The following GPM6B variants were observed in gnomAD, a reference collection of about 807,000 sequenced individuals.
GPM6B encodes the protein glycoprotein M6B, also known as neuronal membrane glycoprotein M6-b.
In GPM6B, 4 loss-of-function variants were observed where a neutral mutation model predicts 27.2. That is an observed-to-expected ratio of 0.15 (90% CI 0.07 to 0.34). The LOEUF (loss-of-function observed/expected upper bound fraction) is 0.34. GPM6B is among the 10% of genes least tolerant of loss of function. The pLI, the probability that GPM6B is intolerant of heterozygous loss-of-function variation, is 1.00. For missense variants in GPM6B, 183 were observed against 261.9 expected (o/e 0.70, Z 2.08); for synonymous variants, 124 against 103.1 (o/e 1.20, Z -1.23).
chrX:13,846,125 G>A (rs775921487), intron 1 of GPM6B, among the ~76,000 whole-genome samples: 25 of 111,049 alleles, frequency 2.3e-4, no homozygotes, highest in Admixed American at 1.5e-3. Flanking sequence ...CCCAGTGACA[G>A]CTAAACCTCT....
In GPM6B at chrX:13,771,729, C is replaced by T. The variant is rs763644937; in HGVS notation, c.*1152G>A. ...TACAGTCACTTAATGTTCTGGAACA[C>T]AATAATGTAAAAGGCAAGTTTCTTT... On this transcript the variant is annotated 3_prime_UTR_variant, in exon 8 of 8. Transcript: ENST00000316715. The T allele has an allele frequency of 8.9e-6, 1 of 112,268 alleles. No homozygotes were observed. Among genetic ancestry groups the T allele is most frequent in the Admixed American group, 9.5e-5 (1 of 10,558 alleles). The allele number at this position is 112,268 out of a possible 1,213,427, so 9.3% of individuals were successfully genotyped here.
At chrX:13,831,177 T>TACGTACAC (rs2049434175) in intron 1 of GPM6B, among the ~76,000 whole-genome samples, 1 of 81,635 alleles carries the variant, frequency 1.2e-5, no homozygotes, top group Non-Finnish European at 2.4e-5. Flanking sequence ...AAGAGCTCAG[T>TACGTACAC]ACACACACAC....
At chrX:13,925,711 T>C (rs992581059) in intron 1 of GPM6B, among the ~76,000 whole-genome samples, 1 of 111,111 alleles carries the variant, frequency 9.0e-6, no homozygotes, top group Admixed American at 9.6e-5. Context: ...TGAAGAGATA[T>C]ACCATATACA....
chrX:13,933,913 C>T (rs1248789346), intron 1 of GPM6B, among the ~76,000 whole-genome samples: 4 of 111,730 alleles, frequency 3.6e-5, no homozygotes, highest in Non-Finnish European at 5.6e-5. Context: ...GCACTCAAAG[C>T]AAAGGCCTTG....
intron 2 of GPM6B, among the ~76,000 whole-genome samples, chrX:13,790,359 A>T (rs768371780): frequency 8.9e-6 from 1 of 112,411 alleles, no homozygotes; most frequent in Non-Finnish European, 1.9e-5. Context: ...GTGCTTTGCA[A>T]AGTGTGTTCA....
chrX:13,862,040 C>T (rs182286264), intron 1 of GPM6B, among the ~76,000 whole-genome samples: 241 of 110,640 alleles, frequency 2.2e-3, no homozygotes, highest in African/African-American at 7.8e-3. Flanking sequence ...AATGAGTGTA[C>T]GAGTGAGCAT....
intron 1 of GPM6B, among the ~76,000 whole-genome samples, chrX:13,843,265 TGTTA>T (rs1294049428): frequency 1.8e-5 from 2 of 109,320 alleles, no homozygotes; most frequent in Non-Finnish European, 3.8e-5. Flanking sequence ...CTGTAGCATG[TGTTA>T]GTATTTCCTT....
chrX:13,869,583 T>C (rs914492107), intron 1 of GPM6B, among the ~76,000 whole-genome samples: 2 of 111,660 alleles, frequency 1.8e-5, no homozygotes, highest in East Asian at 2.8e-4. Flanking sequence ...TTGGTTCCGA[T>C]TGTCGAACCA....
intron 1 of GPM6B, among the ~76,000 whole-genome samples, chrX:13,869,178 C>A (rs2049949639): frequency 8.9e-6 from 1 of 112,282 alleles, no homozygotes; most frequent in South Asian, 3.7e-4. Context: ...CATGCTACCA[C>A]ATGGATAAAC....
intron 5 of GPM6B, 59 bp downstream of exon 5, chrX:13,779,759 G>GAC: frequency 1.0e-6 from 1 of 956,467 alleles, no homozygotes; most frequent in Non-Finnish European, 1.4e-6. Flanking sequence ...ATTAGGTCCA[G>GAC]ACATATGCAC....
chrX:13,792,074 AG>A (rs1858520957), intron 2 of GPM6B, among the ~76,000 whole-genome samples: 1 of 112,310 alleles, frequency 8.9e-6, no homozygotes, highest in Non-Finnish European at 1.9e-5. Flanking sequence ...GAAAATGGAG[AG>A]GGCGAAAATC....
At chrX:13,887,955 TCTG>T (rs1410558841) in intron 1 of GPM6B, among the ~76,000 whole-genome samples, 16 of 111,425 alleles carry the variant, frequency 1.4e-4, no homozygotes, top group African/African-American at 4.9e-4. Context: ...CCCTCCTGAT[TCTG>T]CTATGACCCA....
intron 1 of GPM6B, among the ~76,000 whole-genome samples, chrX:13,873,142 T>C (rs1313367010): frequency 2.0e-5 from 1 of 50,631 alleles, no homozygotes; most frequent in Non-Finnish European, 3.6e-5. Context: ...CCATGGAGAA[T>C]AGCGTAAGGA....
intron 1 of GPM6B, among the ~76,000 whole-genome samples, chrX:13,920,890 CAA>C (rs35002910): frequency 2.2e-4 from 17 of 79,027 alleles, no homozygotes; most frequent in Admixed American, 4.3e-4. Flanking sequence ...GATTCCGCCT[CAA>C]AAAAAAAAAA....
intron 1 of GPM6B, among the ~76,000 whole-genome samples, chrX:13,840,503 A>T (rs1025016845): frequency 1.8e-5 from 2 of 111,678 alleles, no homozygotes; most frequent in Admixed American, 9.5e-5. Context: ...ATATATTTTT[A>T]AAAATACTGA....
intron 1 of GPM6B, among the ~76,000 whole-genome samples, chrX:13,858,405 T>C (rs2049805982): frequency 9.0e-6 from 1 of 111,462 alleles, no homozygotes; most frequent in African/African-American, 3.3e-5. Context: ...GAGACAGATT[T>C]CCAAAATGAT....
At chrX:13,831,872 T>C (rs1227552535) in intron 1 of GPM6B, among the ~76,000 whole-genome samples, 2 of 111,279 alleles carry the variant, frequency 1.8e-5, no homozygotes, top group East Asian at 5.6e-4. Flanking sequence ...CTCTGTTATC[T>C]GCTTGGAGAT....
Position 13,787,391 on chromosome X carries a change from C to T in GPM6B, c.182-1583G>A, listed in dbSNP as rs761292347. On this transcript the variant is annotated intron_variant, in intron 2 of 7. Coordinates refer to ENST00000316715, the MANE Select transcript of GPM6B (RefSeq NM_001001995.3). ...CTAACACAGTAAAACCCCGTCTCTA[C>T]TAAAAATACAAAAAATTAGCCGGGT... Among the ~76,000 whole-genome samples the T allele has an allele frequency of 3.6e-5, 4 of 111,462 alleles. No homozygotes were observed. The Admixed American group carries it at 3.8e-4, about 11-fold the overall frequency.
At chrX:13,813,248 C>T (rs1315820718) in intron 1 of GPM6B, among the ~76,000 whole-genome samples, 1 of 107,871 alleles carries the variant, frequency 9.3e-6, no homozygotes, top group East Asian at 2.8e-4. Flanking sequence ...AAATGAGAGC[C>T]AAAAGTGCAT....
Sources: gnomAD v4.1 joint callset for allele counts (sites outside exome capture counted in the v4.1 genomes callset) on GRCh38, gnomAD v4.1.1 for gene constraint, MANE v1.5 for transcripts, NCBI Gene and HGNC (gene_info 2026-07-23, HGNC 2026-07-21) for gene names.